Variants in CAMK1D observed in about 807,000 individuals in gnomAD.
CAMK1D encodes calcium/calmodulin-dependent protein kinase type 1D.
In CAMK1D, 9 loss-of-function variants were observed where a neutral mutation model predicts 47.7. The ratio of observed to expected loss-of-function variants is 0.19; its 90% CI spans 0.11 to 0.33. The LOEUF (loss-of-function observed/expected upper bound fraction) is 0.33. Among genes scored for constraint, CAMK1D ranks in the 10% least tolerant of loss-of-function variants. The pLI, the probability that CAMK1D is intolerant of heterozygous loss-of-function variation, is 1.00. For missense variants in CAMK1D, 291 were observed against 488.7 expected (o/e 0.60, Z 3.81); for synonymous variants, 184 against 184.9 (o/e 0.99, Z 0.04).
chr10:12,594,900 A>G (rs1434138429), intron 2 of CAMK1D, among the ~76,000 whole-genome samples: 1 of 152,196 alleles, frequency 6.6e-6, no homozygotes, highest in African/African-American at 2.4e-5. Flanking sequence ...GGAATTGACT[A>G]TATAGGTCAG....
intron 3 of CAMK1D, among the ~76,000 whole-genome samples, chr10:12,723,748 T>C (rs149759987): frequency 6.6e-6 from 1 of 152,340 alleles, no homozygotes; most frequent in African/African-American, 2.4e-5. Flanking sequence ...TGTTGTTGTT[T>C]TGACATTCTT....
intron 3 of CAMK1D, among the ~76,000 whole-genome samples, chr10:12,711,027 A>T (rs974383796): frequency 2.4e-4 from 37 of 152,186 alleles, no homozygotes; most frequent in African/African-American, 8.9e-4. Flanking sequence ...CACCTCCCAC[A>T]TAAGCCTGTT....
chr10:12,379,424 CT>C (rs752477142), intron 1 of CAMK1D, among the ~76,000 whole-genome samples: 1 of 151,942 alleles, frequency 6.6e-6, no homozygotes, highest in African/African-American at 2.4e-5. Context: ...TGTTTAATGC[CT>C]GGTGTTTAAG....
intron 2 of CAMK1D, among the ~76,000 whole-genome samples, chr10:12,663,065 G>A (rs181992741): frequency 2.6e-5 from 4 of 152,256 alleles, no homozygotes; most frequent in Non-Finnish European, 4.4e-5. Flanking sequence ...AGGTTCAAAC[G>A]ATTGTCCTGC....
At chr10:12,800,056 A>G (rs557688069) in intron 6 of CAMK1D, among the ~76,000 whole-genome samples, 3 of 152,120 alleles carry the variant, frequency 2.0e-5, no homozygotes, top group East Asian at 3.9e-4. Context: ...TCCCCCTTGC[A>G]TTTTCATCAC....
At chr10:12,615,983 G>T (rs557938872) in intron 2 of CAMK1D, among the ~76,000 whole-genome samples, 1 of 151,086 alleles carries the variant, frequency 6.6e-6, no homozygotes, top group Admixed American at 6.6e-5. Flanking sequence ...CATGTGTGTT[G>T]TGTCTGTATA....
At chr10:12,397,852 A>G (rs1839018597) in intron 1 of CAMK1D, among the ~76,000 whole-genome samples, 1 of 152,150 alleles carries the variant, frequency 6.6e-6, no homozygotes, top group Non-Finnish European at 1.5e-5. Flanking sequence ...GAAAATCCAG[A>G]TTTCCAGCTT....
chr10:12,479,850 A>C (rs1204910756), intron 1 of CAMK1D, among the ~76,000 whole-genome samples: 1 of 152,194 alleles, frequency 6.6e-6, no homozygotes, highest in African/African-American at 2.4e-5. Context: ...AACTTAAAGC[A>C]ACAATAAAAT....
chr10:12,569,668 G>A (rs1837257589), intron 2 of CAMK1D, among the ~76,000 whole-genome samples: 1 of 132,462 alleles, frequency 7.5e-6, no homozygotes, highest in Non-Finnish European at 1.5e-5. Flanking sequence ...GCAGTGAGCC[G>A]AGATCGTGCC....
chr10:12,378,857 T>C (rs896856174), intron 1 of CAMK1D, among the ~76,000 whole-genome samples: 3 of 149,496 alleles, frequency 2.0e-5, no homozygotes, highest in African/African-American at 7.4e-5. Context: ...GTCGCCTGGC[T>C]GGAGTGCCGT....
intron 3 of CAMK1D, among the ~76,000 whole-genome samples, chr10:12,719,056 A>G (rs1021759528): frequency 1.3e-5 from 2 of 152,204 alleles, no homozygotes; most frequent in African/African-American, 4.8e-5. Flanking sequence ...AAATAGAGAC[A>G]AGGTACGACA....
chr10:12,812,391 G>T (rs1832641853), intron 6 of CAMK1D, among the ~76,000 whole-genome samples: 1 of 152,130 alleles, frequency 6.6e-6, no homozygotes, highest in African/African-American at 2.4e-5. Context: ...CGAGGAGGGT[G>T]GATCACCTGA....
At position 12,509,396 on chromosome 10, in the gene CAMK1D, C is replaced by T. The variant is rs181917154; in HGVS notation, c.93-43829C>T. Among the ~76,000 whole-genome samples, 27 of 152,338 alleles carry T rather than the reference C, an allele frequency of 1.8e-4. No individual in the cohort carries two copies. In the East Asian group the frequency reaches 5.0e-3, roughly 28 times the overall value. On this transcript the variant is annotated intron_variant, in intron 1 of 10. Transcript: ENST00000619168. ...AGCTGTGAATTTGCTTGTCTGGACA[C>T]AGGTGGAGTGATGCCACTCTTTTCT...
intron 1 of CAMK1D, among the ~76,000 whole-genome samples, chr10:12,375,677 T>C (rs77520382): frequency 2.5e-3 from 385 of 152,344 alleles, no homozygotes; most frequent in Non-Finnish European, 3.1e-3. Flanking sequence ...GCCTGTGTCC[T>C]AGGGTATCCT....
intron 1 of CAMK1D, among the ~76,000 whole-genome samples, chr10:12,445,273 G>T (rs925423070): frequency 1.3e-5 from 2 of 152,184 alleles, no homozygotes; most frequent in African/African-American, 4.8e-5. Flanking sequence ...AATCCCCTTG[G>T]CCAAGAGGAA....
At chr10:12,727,482 G>A (rs1834696589) in intron 3 of CAMK1D, among the ~76,000 whole-genome samples, 1 of 152,168 alleles carries the variant, frequency 6.6e-6, no homozygotes, top group African/African-American at 2.4e-5. Flanking sequence ...TGTGCACTGG[G>A]CCACGATGTT....
chr10:12,825,822 G>A (rs896833922), intron 10 of CAMK1D, 132 bp downstream of exon 10: 26 of 1,470,578 alleles, frequency 1.8e-5, no homozygotes, highest in African/African-American at 2.8e-5. Flanking sequence ...CATGTCATGC[G>A]ACCCTAGGAC....
At chr10:12,613,012 G>A (rs995269509) in intron 2 of CAMK1D, among the ~76,000 whole-genome samples, 2 of 152,124 alleles carry the variant, frequency 1.3e-5, no homozygotes, top group Non-Finnish European at 2.9e-5. Context: ...GGTGTTTGGG[G>A]TGGTGCCTCT....
chr10:12,709,197 A>G (rs1833842157), intron 3 of CAMK1D, among the ~76,000 whole-genome samples: 2 of 152,242 alleles, frequency 1.3e-5, no homozygotes, highest in South Asian at 2.1e-4. Flanking sequence ...GAGCCTCCAC[A>G]GTTATATAAA....
Sources: allele counts gnomAD v4.1 joint callset (sites outside exome capture counted in the v4.1 genomes callset), GRCh38; gene constraint gnomAD v4.1.1; transcripts MANE v1.5; gene names NCBI Gene and HGNC (gene_info 2026-07-23, HGNC 2026-07-21).